RTTN: variants seen among roughly 807,000 people sequenced by gnomAD.
The protein encoded by RTTN is rotatin.
RTTN carries 182 observed loss-of-function variants against 269.2 expected under a neutral mutation model. The ratio of observed to expected loss-of-function variants is 0.68; its 90% CI spans 0.60 to 0.76. The LOEUF is 0.76. Among genes scored for constraint, RTTN ranks in the 30% least tolerant of loss-of-function variants. The probability of loss-of-function intolerance (pLI) is 0.00; values close to 1 mark genes in which losing one functional copy is unlikely to be tolerated. For missense variants in RTTN, 2,545 were observed against 2,608.6 expected (o/e 0.98, Z 0.53); for synonymous variants, 1,006 against 963.5 (o/e 1.04, Z -0.82).
intron 10 of RTTN, among the ~76,000 whole-genome samples, chr18:70,178,109 G>A (rs761451851): frequency 2.0e-5 from 3 of 152,136 alleles, no homozygotes; most frequent in South Asian, 2.1e-4. Context: ...GAGGCCGGAC[G>A]CGATGGCTCA....
rs753305414 is a variant in RTTN, at chr18:70,197,776, C to T, written c.579-38G>A. On this transcript the variant is annotated intron_variant, in intron 5 of 48. Coordinates refer to ENST00000640769, the MANE Select transcript of RTTN (RefSeq NM_173630.4). Reference sequence around the variant, plus strand: ...GCGTTAATCATTTTTAAGAAGAGTTCATCTATTCCAGATTCTAAGTAGCCT... The same window carrying T: ...GCGTTAATCATTTTTAAGAAGAGTTTATCTATTCCAGATTCTAAGTAGCCT... 1.4e-5 allele frequency: 18 copies of T among 1,304,356 alleles called. No individual in the cohort carries two copies. The African/African-American group carries it at 2.5e-4, about 18-fold the overall frequency. The allele number at this position is 1,304,356 out of a possible 1,614,324, so 80.8% of individuals were successfully genotyped here.
intron 7 of RTTN, among the ~76,000 whole-genome samples, chr18:70,195,091 C>A (rs2146128447): frequency 6.6e-6 from 1 of 152,298 alleles, no homozygotes; most frequent in African/African-American, 2.4e-5. Flanking sequence ...GATCTGCAAG[C>A]CCCAATATAC....
At chr18:70,021,163 T>C (rs1255694044) in intron 44 of RTTN, 2 of 181,614 alleles carry the variant, frequency 1.1e-5, no homozygotes, top group Non-Finnish European at 2.3e-5. Flanking sequence ...ACTTGTCTAA[T>C]GCCTTCATTT....
At chr18:70,061,425 AAGCAAGATT>A (rs1293956455) in intron 35 of RTTN, 1 of 456,250 alleles carries the variant, frequency 2.2e-6, no homozygotes, top group South Asian at 1.5e-5. Flanking sequence ...GGAGTTTGGA[AAGCAAGATT>A]TGGGCACTAA....
At chr18:70,048,792 T>C (rs1164389429) in intron 39 of RTTN, among the ~76,000 whole-genome samples, 1 of 152,034 alleles carries the variant, frequency 6.6e-6, no homozygotes, top group East Asian at 1.9e-4. Context: ...CTCTTATAGA[T>C]AACACAAGTT....
intron 39 of RTTN, 39 bp from the exon 40 acceptor site, chr18:70,048,227 C>A (rs1226330074): frequency 1.9e-6 from 3 of 1,551,414 alleles, no homozygotes; most frequent in Non-Finnish European, 2.7e-6. Context: ...TTGAAAATTT[C>A]TTCAAAATTC....
chr18:70,205,519 A>AAGAGGG, intron 1 of RTTN, 109 bp downstream of exon 1: 1 of 1,471,374 alleles, frequency 6.8e-7, no homozygotes, highest in South Asian at 1.1e-5. Flanking sequence ...GCGGGGGTGA[A>AAGAGGG]AGAGGGAGCG....
chr18:70,193,463 CAA>C lies in RTTN; in HGVS notation c.842-12_842-11del, dbSNP rs762723112. On this transcript the variant is annotated splice_polypyrimidine_tract_variant and intron_variant, in intron 7 of 48. Transcript: ENST00000640769. Reference sequence around the variant, plus strand: ...TTTTGGGAAACTGTGTCTGGGGAAACAAAGAAAAAATAAAATTATTCTTTAGT... The same window carrying C: ...TTTTGGGAAACTGTGTCTGGGGAAACAGAAAAAATAAAATTATTCTTTAGT... 14 of 1,477,740 alleles carry C rather than the reference CAA, an allele frequency of 9.5e-6. No individual in the cohort carries two copies. In the Admixed American group the frequency reaches 3.3e-4, roughly 35 times the overall value. 91.5% of individuals were successfully genotyped at this position (1,477,740 alleles called of 1,614,324 possible).
At chr18:70,058,725 C>T (rs1186323053) in intron 36 of RTTN, among the ~76,000 whole-genome samples, 1 of 152,060 alleles carries the variant, frequency 6.6e-6, no homozygotes, top group Non-Finnish European at 1.5e-5. Flanking sequence ...TTTTGGTCAT[C>T]TTCAGGCAGG....
chr18:70,055,316 C>T (rs1332035496), intron 37 of RTTN, among the ~76,000 whole-genome samples: 1 of 150,996 alleles, frequency 6.6e-6, no homozygotes, highest in Non-Finnish European at 1.5e-5. Context: ...CACACACACA[C>T]ATACACACAC....
At chr18:70,081,509 T>C (rs1416208442) in intron 32 of RTTN, among the ~76,000 whole-genome samples, 1 of 152,126 alleles carries the variant, frequency 6.6e-6, no homozygotes, top group African/African-American at 2.4e-5. Flanking sequence ...GAAAGAGAGA[T>C]ATAATATCTC....
chr18:70,162,457 CA>C (rs1401499329), intron 14 of RTTN, among the ~76,000 whole-genome samples: 1 of 152,162 alleles, frequency 6.6e-6, no homozygotes, highest in Non-Finnish European at 1.5e-5. Context: ...TTAATTGACT[CA>C]CAGTTCTGCA....
intron 40 of RTTN, among the ~76,000 whole-genome samples, chr18:70,039,589 G>A (rs1454588772): frequency 1.3e-5 from 2 of 152,180 alleles, no homozygotes; most frequent in Non-Finnish European, 2.9e-5. Flanking sequence ...ATAAAAGGAT[G>A]TTCGTGAGCA....
intron 21 of RTTN, 52 bp from the exon 22 acceptor site, chr18:70,135,332 T>C (rs1212080634): frequency 2.8e-6 from 3 of 1,063,900 alleles, no homozygotes; most frequent in Admixed American, 2.5e-5. Context: ...CTAGAAAGAA[T>C]GAACTTCAAA....
chr18:70,154,641 G>C (rs1047734515), intron 14 of RTTN, among the ~76,000 whole-genome samples: 1 of 152,032 alleles, frequency 6.6e-6, no homozygotes, highest in Middle Eastern at 3.2e-3. Flanking sequence ...TTGACCTCCA[G>C]TCCATAAACC....
At chr18:70,105,747 A>T (rs2059304802) in intron 28 of RTTN, among the ~76,000 whole-genome samples, 1 of 152,174 alleles carries the variant, frequency 6.6e-6, no homozygotes, top group Non-Finnish European at 1.5e-5. Flanking sequence ...TTTGGAAAAA[A>T]GTTCTAGATA....
At chr18:70,071,405 TACAG>T (rs2058291114) in intron 34 of RTTN, among the ~76,000 whole-genome samples, 1 of 152,158 alleles carries the variant, frequency 6.6e-6, no homozygotes, top group African/African-American at 2.4e-5. Context: ...TTTAAAAAAA[TACAG>T]ACATAGTTCT....
In RTTN at chr18:70,176,777, A is replaced by T; in HGVS notation, c.1374T>A (p.Ser458Arg). The stretch of plus-strand genomic sequence containing the variant: ...CAAGCATCACCTCTGGCTGCTCCAA[A>T]CTGATACTACTTTTATGGTAGCACA... Reference protein sequence around the residue: ...ETMCYHKSSISLEQPEVMLVH... With the variant: ...ETMCYHKSSIRLEQPEVMLVH... Residue 458 changes from serine (S) to arginine (R), a missense_variant, in exon 11 of 49, where the codon AGT (serine) becomes AGA (arginine). Ser to Arg is a moderately radical substitution (Grantham distance 110). Coordinates refer to ENST00000640769, the MANE Select transcript of RTTN (RefSeq NM_173630.4). 1 of 1,614,128 alleles carries T rather than the reference A, an allele frequency of 6.2e-7. No homozygotes were observed.
At chr18:70,027,854 C>T (rs966497278) in intron 43 of RTTN, among the ~76,000 whole-genome samples, 1 of 152,012 alleles carries the variant, frequency 6.6e-6, no homozygotes, top group African/African-American at 2.4e-5. Flanking sequence ...TTTTTAACAT[C>T]GCTTAAGGAG....
Sources: gnomAD v4.1 joint callset for allele counts (sites outside exome capture counted in the v4.1 genomes callset) on GRCh38, gnomAD v4.1.1 for gene constraint, MANE v1.5 for transcripts, NCBI Gene and HGNC (gene_info 2026-07-23, HGNC 2026-07-21) for gene names.